GPR139: variants seen among roughly 807,000 people sequenced by gnomAD.
GPR139 encodes the protein G protein-coupled receptor 139.
A neutral mutation model predicts 25.8 loss-of-function variants in GPR139; 12 were observed. The observed-to-expected ratio is 0.47, with a 90% confidence interval of 0.30 to 0.75. The LOEUF is 0.75. Among genes scored for constraint, GPR139 ranks in the 30% least tolerant of loss-of-function variants. GPR139 has a pLI of 0.07. For synonymous variants in GPR139, 184 were observed against 179.9 expected (o/e 1.02, Z -0.18); for missense variants, 380 against 450.2 (o/e 0.84, Z 1.41).
At chr16:20,036,622 C>T (rs1419710132) in intron 1 of GPR139, among the ~76,000 whole-genome samples, 2 of 152,172 alleles carry the variant, frequency 1.3e-5, no homozygotes, top group Non-Finnish European at 2.9e-5. Context: ...GAGACTTATT[C>T]ACTATCATGA....
chr16:20,062,230 A>G (rs996451511), intron 1 of GPR139, among the ~76,000 whole-genome samples: 1 of 152,106 alleles, frequency 6.6e-6, no homozygotes, highest in African/African-American at 2.4e-5. Flanking sequence ...CTAACCCCCA[A>G]TGTGATGGGA....
intron 1 of GPR139, among the ~76,000 whole-genome samples, chr16:20,051,937 C>T (rs189109769): frequency 3.0e-4 from 45 of 151,432 alleles, no homozygotes; most frequent in Admixed American, 2.8e-3. Context: ...GGGCAAGTTA[C>T]CTACCTTCTC....
rs372038348 is a variant in GPR139 at position 20,070,548 on chromosome 16, C to G, written c.127+2942G>C. 5.3e-5 allele frequency among the ~76,000 whole-genome samples: 8 copies of G among 152,260 alleles called. No homozygotes were observed. In the East Asian group the frequency reaches 1.4e-3, roughly 26 times the overall value. On this transcript the variant is annotated intron_variant, in intron 1 of 1. Transcript: ENST00000570682. ...AAAAATTAGACTGTCTGGGGCAATC[C>G]CCTAGCTCTTCCTCCCAACCTAGAG...
chr16:20,068,148 G>A (rs1315698636), intron 1 of GPR139, among the ~76,000 whole-genome samples: 1 of 149,192 alleles, frequency 6.7e-6, no homozygotes, highest in African/African-American at 2.5e-5. Context: ...TGGTGAACAG[G>A]AGAAAGTGAT....
At chr16:20,070,989 C>T in intron 1 of GPR139, 5 of 985,470 alleles carry the variant, frequency 5.1e-6, no homozygotes, top group Non-Finnish European at 4.8e-6. Context: ...GCAAGCAGAC[C>T]GCCCTCCTTA....
At chr16:20,033,541 A>C (rs1488264221) in intron 1 of GPR139, among the ~76,000 whole-genome samples, 6 of 152,284 alleles carry the variant, frequency 3.9e-5, no homozygotes, top group Middle Eastern at 3.4e-3. Context: ...AAGAGACGGG[A>C]CTATATAACC....
chr16:20,049,994 C>A (rs1419322060), intron 1 of GPR139, among the ~76,000 whole-genome samples: 4 of 152,194 alleles, frequency 2.6e-5, no homozygotes, highest in Admixed American at 2.6e-4. Context: ...AATAGTGACT[C>A]CCTAATGTGT....
Position 20,029,231 on chromosome 16 carries a change from G to A in GPR139, c.*2504C>T, listed in dbSNP as rs956161339. Among the ~76,000 whole-genome samples the A allele has an allele frequency of 1.3e-4, 20 of 151,708 alleles. No homozygotes were observed. Among genetic ancestry groups the A allele is most frequent in the African/African-American group, 4.6e-4 (19 of 41,134 alleles). ...ACCACGTGGTAGAGCCTCTATCATC[G>A]AGAAGTAATAAATTAAAGTGTCTGA... On this transcript the variant is annotated 3_prime_UTR_variant, in exon 2 of 2. Transcript: ENST00000570682.
chr16:20,044,760 G>A lies in GPR139; in HGVS notation c.128-12091C>T, dbSNP rs142936432. Among the ~76,000 whole-genome samples, 19 of 152,182 alleles carry A rather than the reference G, an allele frequency of 1.2e-4. No homozygotes were observed. The East Asian group carries it at 3.5e-3, about 28-fold the overall frequency. On this transcript the variant is annotated intron_variant, in intron 1 of 1. Transcript: ENST00000570682. ...CCTAATAACTACTGTGAAATATTTAGTACTTAATCCTTACTAGTAAAGTAG... is the reference window on the plus strand; with the variant it reads ...CCTAATAACTACTGTGAAATATTTAATACTTAATCCTTACTAGTAAAGTAG...
At chr16:20,062,384 A>G (rs1596470987) in intron 1 of GPR139, among the ~76,000 whole-genome samples, 1 of 152,214 alleles carries the variant, frequency 6.6e-6, no homozygotes, top group Admixed American at 6.5e-5. Context: ...GGAATCTGCA[A>G]CCTGGAAGAG....
intron 1 of GPR139, among the ~76,000 whole-genome samples, chr16:20,053,815 A>G (rs541583099): frequency 8.6e-6 from 1 of 116,038 alleles, no homozygotes; most frequent in South Asian, 3.4e-4. Flanking sequence ...TTCTAATTTC[A>G]TTGCTCTCAT....
In GPR139 at chr16:20,028,592, C is replaced by T. The variant is rs962193291; in HGVS notation, c.*3143G>A. 6.6e-5 allele frequency among the ~76,000 whole-genome samples: 10 copies of T among 152,062 alleles called. No homozygotes were observed. Among genetic ancestry groups the T allele is most frequent in the Non-Finnish European group, 1.2e-4 (8 of 68,002 alleles). ...GCTCCCCATGTTGAACCAGGAGGTA[C>T]CAAATGTGCAAAGTGATCTTTTCCA... On this transcript the variant is annotated 3_prime_UTR_variant, in exon 2 of 2. Coordinates refer to ENST00000570682, the MANE Select transcript of GPR139 (RefSeq NM_001002911.4).
intron 1 of GPR139, chr16:20,070,932 T>C (rs2057457458): frequency 2.0e-6 from 2 of 985,296 alleles, no homozygotes; most frequent in Non-Finnish European, 2.4e-6. Context: ...ACCTGAATGC[T>C]TTCTTCTGTG....
intron 1 of GPR139, among the ~76,000 whole-genome samples, chr16:20,062,552 G>T (rs2057417684): frequency 6.6e-6 from 1 of 152,200 alleles, no homozygotes; most frequent in Non-Finnish European, 1.5e-5. Context: ...ATGGTACTTT[G>T]TTACAGCAGC....
intron 1 of GPR139, among the ~76,000 whole-genome samples, chr16:20,066,425 T>C (rs1413324694): frequency 6.6e-6 from 1 of 152,254 alleles, no homozygotes; most frequent in Non-Finnish European, 1.5e-5. Context: ...GCAACTCTTT[T>C]AGGGGGACAA....
chr16:20,069,618 C>T (rs923828689), intron 1 of GPR139, among the ~76,000 whole-genome samples: 1 of 152,144 alleles, frequency 6.6e-6, no homozygotes, highest in Non-Finnish European at 1.5e-5. Flanking sequence ...GGAAATGCAC[C>T]CTTCTGCTGG....
At chr16:20,049,151 G>C (rs1370784055) in intron 1 of GPR139, among the ~76,000 whole-genome samples, 1 of 152,164 alleles carries the variant, frequency 6.6e-6, no homozygotes, top group Non-Finnish European at 1.5e-5. Context: ...AAACCTTGAG[G>C]ACTTATCACA....
intron 1 of GPR139, among the ~76,000 whole-genome samples, chr16:20,057,014 C>G (rs1354268794): frequency 6.6e-6 from 1 of 152,132 alleles, no homozygotes; most frequent in Non-Finnish European, 1.5e-5. Context: ...TCGGGAGAAT[C>G]TTCAATCAGG....
intron 1 of GPR139, among the ~76,000 whole-genome samples, chr16:20,041,004 C>G (rs2057327875): frequency 6.6e-6 from 1 of 151,238 alleles, no homozygotes; most frequent in Non-Finnish European, 1.5e-5. Context: ...TCCCCTGTGA[C>G]TTAAAAGCAT....
Sources: allele counts gnomAD v4.1 joint callset (sites outside exome capture counted in the v4.1 genomes callset), GRCh38; gene constraint gnomAD v4.1.1; transcripts MANE v1.5; gene names NCBI Gene and HGNC (gene_info 2026-07-23, HGNC 2026-07-21).